SGMS1: variants seen among roughly 807,000 people sequenced by gnomAD.
The protein encoded by SGMS1 is sphingomyelin synthase 1.
Under a neutral mutation model 46.2 loss-of-function variants are expected in SGMS1, and 13 were observed. The observed-to-expected ratio is 0.28, with a 90% confidence interval of 0.18 to 0.45. The LOEUF (loss-of-function observed/expected upper bound fraction) is 0.45, where lower values mean the gene tolerates loss of function less well. Ranked by LOEUF, SGMS1 falls within the 20% of genes least tolerant of loss-of-function variation. SGMS1 has a pLI of 1.00. For missense variants in SGMS1, 324 were observed against 519.9 expected, an observed-to-expected ratio of 0.62 and a Z score of 3.66; for synonymous variants, 203 against 187.8, an observed-to-expected ratio of 1.08 and a Z score of -0.66.
intron 6 of SGMS1, among the ~76,000 whole-genome samples, chr10:50,414,866 T>C (rs73332909): frequency 0.028 from 4,288 of 152,308 alleles, 94 homozygotes; most frequent in African/African-American, 0.059. Flanking sequence ...AGTCTGACAT[T>C]ACGCCACTGA....
intron 2 of SGMS1, among the ~76,000 whole-genome samples, chr10:50,526,933 C>G (rs1410359081): frequency 6.6e-6 from 1 of 151,798 alleles, no homozygotes; most frequent in Non-Finnish European, 1.5e-5. Flanking sequence ...GGCATGGTGG[C>G]ATGTGCCTGT....
intron 5 of SGMS1, among the ~76,000 whole-genome samples, chr10:50,442,378 C>A (rs916827888): frequency 1.3e-5 from 2 of 151,938 alleles, no homozygotes; most frequent in Non-Finnish European, 2.9e-5. Flanking sequence ...GTGTTGTTCA[C>A]CTCTATGTGT....
intron 3 of SGMS1, among the ~76,000 whole-genome samples, chr10:50,486,216 C>T (rs1283707961): frequency 6.6e-6 from 1 of 152,076 alleles, no homozygotes; most frequent in South Asian, 2.1e-4. Context: ...CTATAAAAAC[C>T]CTAGAAGAAG....
chr10:50,565,087 T>TA (rs1838276407), intron 2 of SGMS1, among the ~76,000 whole-genome samples: 1 of 152,202 alleles, frequency 6.6e-6, no homozygotes. Flanking sequence ...AAACTTTTTT[T>TA]ATCCTCCAAA....
intron 6 of SGMS1, among the ~76,000 whole-genome samples, chr10:50,387,272 TG>T (rs1266538105): frequency 1.3e-5 from 2 of 152,164 alleles, no homozygotes; most frequent in Non-Finnish European, 2.9e-5. Context: ...AAGCATTCCT[TG>T]GGGGTTCTTT....
intron 3 of SGMS1, among the ~76,000 whole-genome samples, chr10:50,507,471 A>C (rs1486731333): frequency 6.6e-6 from 1 of 152,142 alleles, no homozygotes; most frequent in Non-Finnish European, 1.5e-5. Context: ...CGGCTTGGAC[A>C]TTCCTTTATC....
chr10:50,511,110 G>C (rs1446850658), intron 3 of SGMS1, among the ~76,000 whole-genome samples: 1 of 152,078 alleles, frequency 6.6e-6, no homozygotes, highest in Non-Finnish European at 1.5e-5. Context: ...TTTCAGAATG[G>C]GTGTTTGTCC....
At chr10:50,445,666 G>A (rs1026707672) in intron 5 of SGMS1, among the ~76,000 whole-genome samples, 2 of 152,046 alleles carry the variant, frequency 1.3e-5, no homozygotes, top group African/African-American at 4.8e-5. Flanking sequence ...GTAAACTGAG[G>A]ATGAATGTCA....
chr10:50,384,986 T>G (rs751961723), intron 6 of SGMS1, among the ~76,000 whole-genome samples: 6 of 152,202 alleles, frequency 3.9e-5, no homozygotes, highest in Non-Finnish European at 7.3e-5. Flanking sequence ...TTATTTAGTG[T>G]CCCCTTAGTC....
intron 6 of SGMS1, among the ~76,000 whole-genome samples, chr10:50,349,260 T>C (rs1189310376): frequency 1.3e-5 from 2 of 152,258 alleles, no homozygotes; most frequent in Non-Finnish European, 2.9e-5. Flanking sequence ...GATTCTTCCT[T>C]TAGTCTTTAA....
chr10:50,365,722 T>C (rs528986055), intron 6 of SGMS1, among the ~76,000 whole-genome samples: 4 of 152,318 alleles, frequency 2.6e-5, no homozygotes, highest in South Asian at 4.2e-4. Context: ...CTGAGGACGA[T>C]TACTTCCAGC....
intron 3 of SGMS1, among the ~76,000 whole-genome samples, chr10:50,499,939 C>T (rs953013865): frequency 2.0e-5 from 3 of 152,172 alleles, no homozygotes; most frequent in African/African-American, 4.8e-5. Flanking sequence ...GAGGCAAAGG[C>T]GGGCGGATCA....
chr10:50,329,622 C>G (rs1231894788), intron 7 of SGMS1, among the ~76,000 whole-genome samples: 3 of 152,184 alleles, frequency 2.0e-5, no homozygotes, highest in African/African-American at 7.2e-5. Context: ...ATTTCATACA[C>G]TTAGAATTCT....
chr10:50,479,671 T>C (rs145292166), intron 3 of SGMS1, among the ~76,000 whole-genome samples: 27 of 152,278 alleles, frequency 1.8e-4, no homozygotes, highest in African/African-American at 5.8e-4. Context: ...TACAAATAAT[T>C]TGTAATTTGC....
chr10:50,430,953 T>A (rs1459073350), intron 6 of SGMS1, among the ~76,000 whole-genome samples: 1 of 152,088 alleles, frequency 6.6e-6, no homozygotes, highest in Admixed American at 6.5e-5. Flanking sequence ...GCTATAAAAT[T>A]TGCGCATCTA....
chr10:50,504,265 G>A (rs920760796), intron 3 of SGMS1, among the ~76,000 whole-genome samples: 1 of 152,126 alleles, frequency 6.6e-6, no homozygotes, highest in Non-Finnish European at 1.5e-5. Context: ...AGTAAGTCCG[G>A]GTGGTGCCTG....
chr10:50,563,170 C>T (rs1838256720), intron 2 of SGMS1, among the ~76,000 whole-genome samples: 1 of 152,162 alleles, frequency 6.6e-6, no homozygotes, highest in African/African-American at 2.4e-5. Flanking sequence ...GTGCCTGTGG[C>T]AGTACAAGAT....
At position 50,476,018 on chromosome 10, in the gene SGMS1, G is replaced by A. The variant is rs369132039; in HGVS notation, c.-497-9086C>T. ...TGTAATCCCAGCATTTTGGGTAGCC[G>A]AGGCAGTCGGATCACCTGAGGTCAG... is the stretch of plus-strand genomic sequence containing the variant. On this transcript the variant is annotated intron_variant, in intron 3 of 10. Transcript: ENST00000361781. 6.0e-3 allele frequency among the ~76,000 whole-genome samples: 881 copies of A among 147,404 alleles called. 8 individuals are homozygous for A. The highest frequency in any genetic ancestry group is 0.02 in the African/African-American group (814 of 40,044).
At chr10:50,584,596 C>T (rs1838465811) in intron 2 of SGMS1, among the ~76,000 whole-genome samples, 1 of 151,502 alleles carries the variant, frequency 6.6e-6, no homozygotes, top group African/African-American at 2.4e-5. Flanking sequence ...ATTCATTAAG[C>T]TATTTATTGT....
Sources: allele counts gnomAD v4.1 joint callset (sites outside exome capture counted in the v4.1 genomes callset), GRCh38; gene constraint gnomAD v4.1.1; transcripts MANE v1.5; gene names NCBI Gene and HGNC (gene_info 2026-07-23, HGNC 2026-07-21).